NRG1: variants seen among roughly 807,000 people sequenced by gnomAD.
NRG1 encodes the protein pro-neuregulin-1, membrane-bound isoform.
A neutral mutation model predicts 63.8 loss-of-function variants in NRG1; 18 were observed. That is an observed-to-expected ratio of 0.28 (90% CI 0.19 to 0.42). The LOEUF (loss-of-function observed/expected upper bound fraction) is 0.42. Among genes scored for constraint, NRG1 ranks in the 10% least tolerant of loss-of-function variants. The pLI is 1.00. For missense variants in NRG1, 762 were observed against 814.7 expected, an observed-to-expected ratio of 0.94 and a Z score of 0.79; for synonymous variants, 302 against 301.3, an observed-to-expected ratio of 1.00 and a Z score of -0.02.
At chr8:31,875,717 G>T (rs143374624) in intron 1 of NRG1, among the ~76,000 whole-genome samples, 1 of 152,190 alleles carries the variant, frequency 6.6e-6, no homozygotes, top group African/African-American at 2.4e-5. Flanking sequence ...AGACCTCCTG[G>T]GTGTTCCTGA....
chr8:31,732,180 C>T (rs1814151489), intron 1 of NRG1, among the ~76,000 whole-genome samples: 1 of 152,124 alleles, frequency 6.6e-6, no homozygotes, highest in South Asian at 2.1e-4. Context: ...TCAGTGGGTT[C>T]GTTCCAGTTC....
chr8:32,024,643 G>A (rs1489375949), intron 1 of NRG1, among the ~76,000 whole-genome samples: 1 of 152,072 alleles, frequency 6.6e-6, no homozygotes, highest in South Asian at 2.1e-4. Flanking sequence ...AGACTCCTGC[G>A]GGAGCCAGAA....
intron 1 of NRG1, among the ~76,000 whole-genome samples, chr8:32,495,319 T>A (rs889795523): frequency 1.3e-5 from 2 of 152,216 alleles, no homozygotes; most frequent in Non-Finnish European, 2.9e-5. Context: ...CCCCTGCACA[T>A]GCTGTCTTGC....
At chr8:32,137,277 C>A (rs1369762229) in intron 1 of NRG1, among the ~76,000 whole-genome samples, 6 of 152,010 alleles carry the variant, frequency 3.9e-5, no homozygotes, top group African/African-American at 1.4e-4. Context: ...GAAACCCTGT[C>A]TCTACTAAAA....
chr8:31,728,178 T>C (rs1813644101), intron 1 of NRG1, among the ~76,000 whole-genome samples: 1 of 152,002 alleles, frequency 6.6e-6, no homozygotes, highest in African/African-American at 2.4e-5. Flanking sequence ...ATAGAAAATA[T>C]TTGGGCTGGG....
At chr8:31,966,535 C>A (rs1806358980) in intron 1 of NRG1, among the ~76,000 whole-genome samples, 1 of 152,166 alleles carries the variant, frequency 6.6e-6, no homozygotes, top group Admixed American at 6.5e-5. Flanking sequence ...GAAATTGCAC[C>A]TTTAAATATT....
chr8:32,352,924 G>A lies in NRG1; in HGVS notation c.38-242904G>A, dbSNP rs76775637. On this transcript the variant is annotated intron_variant, in intron 1 of 10. Coordinates refer to the NRG1 transcript ENST00000519301. ...ACATATATATATATATAGAGAGAGA[G>A]AGAGACTATATATATGTGTGTGTGT... is the stretch of plus-strand genomic sequence containing the variant. 2.9e-3 allele frequency among the ~76,000 whole-genome samples: 410 copies of A among 141,528 alleles called. 5 individuals carry two copies. In the East Asian group the frequency reaches 0.045, roughly 16 times the overall value. 92.8% of individuals were successfully genotyped at this position (141,528 alleles called of 152,430 possible).
At chr8:32,763,650 C>T in intron 11 of NRG1, 98 bp from the exon 12 acceptor site, 2 of 1,264,832 alleles carry the variant, frequency 1.6e-6, no homozygotes, top group Non-Finnish European at 1.1e-6. Flanking sequence ...ATTCTCTGTT[C>T]TCTGATGATA....
intron 1 of NRG1, among the ~76,000 whole-genome samples, chr8:31,864,574 A>C (rs1251085427): frequency 6.6e-6 from 1 of 152,142 alleles, no homozygotes; most frequent in Non-Finnish European, 1.5e-5. Flanking sequence ...AAGAAACTGA[A>C]AGGCGGAAAG....
At chr8:32,266,461 C>A (rs1404640388) in intron 1 of NRG1, among the ~76,000 whole-genome samples, 1 of 152,080 alleles carries the variant, frequency 6.6e-6, no homozygotes, top group Non-Finnish European at 1.5e-5. Context: ...TTGATTTTCC[C>A]AAACTGTCAT....
intron 1 of NRG1, among the ~76,000 whole-genome samples, chr8:32,222,675 T>G (rs1194921086): frequency 6.6e-6 from 1 of 152,142 alleles, no homozygotes; most frequent in Non-Finnish European, 1.5e-5. Context: ...CCTTAATTTT[T>G]CCCCCACTGT....
At chr8:32,718,990 AT>A (rs541309628) in intron 5 of NRG1, among the ~76,000 whole-genome samples, 10 of 152,142 alleles carry the variant, frequency 6.6e-5, no homozygotes, top group Non-Finnish European at 1.5e-4. Context: ...CTGTATCATA[AT>A]TTTTTTATTC....
At chr8:32,109,715 G>T (rs1831753566) in intron 1 of NRG1, among the ~76,000 whole-genome samples, 2 of 152,076 alleles carry the variant, frequency 1.3e-5, no homozygotes, top group African/African-American at 2.4e-5. Context: ...AGGGGAAAAT[G>T]AAAGTTCCCC....
chr8:31,852,819 T>A (rs1192922131), intron 1 of NRG1, among the ~76,000 whole-genome samples: 1 of 152,220 alleles, frequency 6.6e-6, no homozygotes, highest in Non-Finnish European at 1.5e-5. Context: ...GTTTCAGCTT[T>A]CTACATATGG....
intron 1 of NRG1, among the ~76,000 whole-genome samples, chr8:31,914,751 T>C (rs1454863028): frequency 2.0e-5 from 3 of 152,152 alleles, no homozygotes; most frequent in African/African-American, 2.4e-5. Context: ...ATCTTTTTTT[T>C]TCAGGATTTT....
intron 1 of NRG1, among the ~76,000 whole-genome samples, chr8:31,729,158 G>A (rs548745953): frequency 1.3e-5 from 2 of 152,258 alleles, no homozygotes; most frequent in South Asian, 4.1e-4. Context: ...GTTAGGTGAA[G>A]GTCAGGAATA....
chr8:32,307,137 C>T (rs1856279796), intron 1 of NRG1, among the ~76,000 whole-genome samples: 1 of 152,106 alleles, frequency 6.6e-6, no homozygotes, highest in African/African-American at 2.4e-5. Flanking sequence ...CTTATGGAAT[C>T]CATTGATAAA....
intron 1 of NRG1, among the ~76,000 whole-genome samples, chr8:31,742,919 C>T (rs1408611315): frequency 6.6e-6 from 1 of 151,924 alleles, no homozygotes; most frequent in African/African-American, 2.4e-5. Context: ...AATGAGCTGG[C>T]AAGTGTTGCC....
intron 1 of NRG1, among the ~76,000 whole-genome samples, chr8:31,940,409 A>AG (rs1801578227): frequency 6.6e-6 from 1 of 151,964 alleles, no homozygotes; most frequent in Non-Finnish European, 1.5e-5. Flanking sequence ...AATGGTGCTA[A>AG]GGGGAAAGTT....
Sources: allele counts gnomAD v4.1 joint callset (sites outside exome capture counted in the v4.1 genomes callset), GRCh38; gene constraint gnomAD v4.1.1; transcripts MANE v1.5; gene names NCBI Gene and HGNC (gene_info 2026-07-23, HGNC 2026-07-21).